IKBKE: variants seen among roughly 807,000 people sequenced by gnomAD.
The protein encoded by IKBKE is inhibitor of nuclear factor kappa B kinase subunit epsilon.
Under a neutral mutation model 92.1 loss-of-function variants are expected in IKBKE, and 45 were observed. That is an observed-to-expected ratio of 0.49 (90% CI 0.38 to 0.63). The LOEUF is 0.63. Ranked by LOEUF, IKBKE falls within the 20% of genes least tolerant of loss-of-function variation. IKBKE has a pLI of 0.00. For missense variants in IKBKE, 700 were observed against 932.8 expected (o/e 0.75, Z 3.25); for synonymous variants, 374 against 380.3 (o/e 0.98, Z 0.19).
At chr1:206,492,990 C>T in intron 18 of IKBKE, 33 bp from the exon 19 acceptor site, 2 of 1,538,472 alleles carry the variant, frequency 1.3e-6, no homozygotes, top group South Asian at 1.2e-5. Flanking sequence ...CTGAGTCCTG[C>T]TCTAATTCTA....
rs1447038916 is a variant in IKBKE at position 206,478,039 on chromosome 1, C to T, written c.813-121C>T. ...TTCCAGCTCTTCCTCCCCAACCCAC[C>T]CTGCCCCACCATCTTGGTCCTAGCT... On this transcript the variant is annotated intron_variant, in intron 8 of 21. Transcript: ENST00000581977. This position sits in a 1 kb window ranked among gnomAD's most constrained non-coding sequence, Gnocchi z 4.8. 2.4e-6 allele frequency: 2 copies of T among 833,510 alleles called. No homozygotes were observed. Among genetic ancestry groups the T allele is most frequent in the Non-Finnish European group, 3.8e-6 (2 of 523,430 alleles). 51.6% of individuals were successfully genotyped at this position (833,510 alleles called of 1,614,324 possible).
chr1:206,486,096 C>G (rs1300719721), intron 15 of IKBKE, among the ~76,000 whole-genome samples: 2 of 152,218 alleles, frequency 1.3e-5, no homozygotes, highest in Non-Finnish European at 2.9e-5. Context: ...TAAAACCTGA[C>G]CTAAATCGAA....
rs567956347 is a variant in IKBKE, at chr1:206,485,236, A to G, written c.1546A>G (p.Thr516Ala). The G allele has an allele frequency of 3.7e-6, 6 of 1,613,940 alleles. No individual in the cohort carries two copies. Among genetic ancestry groups the G allele is most frequent in the Admixed American group, 1.7e-5 (1 of 60,018 alleles). The change falls in exon 15 of 22, where the codon ACC becomes GCC. Residue 516 changes from threonine (T) to alanine (A), a missense_variant. Transcript: ENST00000581977. The surrounding 1 kb of genome is among the most constrained non-coding windows in gnomAD (Gnocchi z 5.0). ...CAGATGCTCCCAAAATATCACGGAG[A>G]CCCAGGAGAGCCTGAGCAGCCTGAA... ...LSRCSQNITE[T>A]QESLSSLNRE...
chr1:206,487,353 G>A lies in IKBKE; in HGVS notation c.1617-561G>A, dbSNP rs1324071990. On this transcript the variant is annotated intron_variant, in intron 15 of 21. Coordinates refer to ENST00000581977, the MANE Select transcript of IKBKE (RefSeq NM_014002.4). The surrounding 1 kb of genome is among the most constrained non-coding windows in gnomAD (Gnocchi z 5.3). ...GGGAGATCATCTCCCCAGTTCCTCC[G>A]CCTCCGGGCAGGACCGAGGCCTGTT... 1.3e-5 allele frequency among the ~76,000 whole-genome samples: 2 copies of A among 152,210 alleles called. No homozygotes were observed. The highest frequency in any genetic ancestry group is 2.9e-5 in the Non-Finnish European group (2 of 68,028).
intron 13 of IKBKE, among the ~76,000 whole-genome samples, chr1:206,483,141 C>T (rs1198706111): frequency 1.3e-5 from 2 of 152,286 alleles, no homozygotes; most frequent in African/African-American, 2.4e-5. Context: ...CCAGGCAAGA[C>T]ATTCCAGGCA....
chr1:206,493,359 C>T lies in IKBKE; in HGVS notation c.2026C>T (p.Arg676Ter), dbSNP rs782568009. Residue 676 changes from arginine (R) to a stop codon, truncating the protein, a stop_gained, in exon 20 of 22, where the codon CGA (arginine) becomes TGA (stop). Transcript: ENST00000581977. LOFTEE classifies it high-confidence loss of function. ...PPIAPYPSPT[R>*]KDLLLHMQEL... ...CATAGCTCCTTACCCCAGCCCTACA[C>T]GAAAGGACCTGCTTCTCCAGTAAGT... 11 of 1,613,344 alleles carry T rather than the reference C, an allele frequency of 6.8e-6. No homozygotes were observed. Among genetic ancestry groups the T allele is most frequent in the East Asian group, 4.5e-5 (2 of 44,904 alleles).
chr1:206,493,178 C>T (rs1361884281), intron 19 of IKBKE, 59 bp downstream of exon 19: 46 of 1,554,204 alleles, frequency 3.0e-5, no homozygotes, highest in Non-Finnish European at 4.1e-5. Context: ...CGCTTGTTAC[C>T]CATGTCTTCC....
chr1:206,476,619 G>T lies in IKBKE; in HGVS notation c.541-59G>T, dbSNP rs1359164323. On this transcript the variant is annotated intron_variant, in intron 6 of 21. Transcript: ENST00000581977. This position sits in a 1 kb window ranked among gnomAD's most constrained non-coding sequence, Gnocchi z 5.1. ...GCAGGCGGTGAAAGGGGGTCTGACAGGTCTCAGGCCCTTGCCAGCCCTCCG... is the reference window on the plus strand; with the variant it reads ...GCAGGCGGTGAAAGGGGGTCTGACATGTCTCAGGCCCTTGCCAGCCCTCCG... 1.3e-6 allele frequency: 2 copies of T among 1,593,584 alleles called. No individual in the cohort carries two copies. Among genetic ancestry groups the T allele is most frequent in the South Asian group, 1.1e-5 (1 of 89,770 alleles).
At chr1:206,474,831 C>T (rs782263580) in intron 4 of IKBKE, 34 bp from the exon 5 acceptor site, 13 of 1,606,632 alleles carry the variant, frequency 8.1e-6, no homozygotes, top group East Asian at 2.2e-5. Flanking sequence ...GGAGAAGTGC[C>T]GTCCTCATGA....
At chr1:206,479,772 G>A (rs2297541) in intron 10 of IKBKE, 98 bp from the exon 11 acceptor site, 26,116 of 1,256,872 alleles carry the variant, frequency 0.021, 393 homozygotes, top group East Asian at 0.038. Context: ...TGAGGTGGGA[G>A]ATTGGCAGTG....
intron 7 of IKBKE, among the ~76,000 whole-genome samples, chr1:206,477,312 T>G (rs1665120963): frequency 6.6e-6 from 1 of 152,244 alleles, no homozygotes; most frequent in South Asian, 2.1e-4. Flanking sequence ...GTGGGAAGGT[T>G]GCTGCACCCA....
At chr1:206,494,381 C>T (rs1666110984) in intron 21 of IKBKE, among the ~76,000 whole-genome samples, 1 of 152,062 alleles carries the variant, frequency 6.6e-6, no homozygotes, top group Non-Finnish European at 1.5e-5. Context: ...GCGCAGACAC[C>T]TTGGATACGA....
rs1553386791 is a variant in IKBKE at position 206,480,498 on chromosome 1, C to T, written c.1392C>T (p.Ser464=). 1.2e-6 allele frequency: 2 copies of T among 1,613,774 alleles called. No individual in the cohort carries two copies. Among genetic ancestry groups the T allele is most frequent in the Non-Finnish European group, 1.7e-6 (2 of 1,179,854 alleles). ...CRRTLEVART[S]LLYLSSSLGT... is the part of the protein sequence containing the mutation. ...GGACTCTGGAAGTGGCAAGGACATCCCTCCTCTACCTCAGCAGCAGCCTGG... is the reference window on the plus strand; with the variant it reads ...GGACTCTGGAAGTGGCAAGGACATCTCTCCTCTACCTCAGCAGCAGCCTGG... Residue 464 remains serine, a synonymous_variant, in exon 13 of 22, where the codon TCC becomes TCT. Transcript: ENST00000581977.
At position 206,478,644 on chromosome 1, in the gene IKBKE, G is replaced by A. The variant is rs540808283; in HGVS notation, c.993-299G>A. 3.9e-5 allele frequency among the ~76,000 whole-genome samples: 6 copies of A among 152,206 alleles called. No homozygotes were observed. The highest frequency in any genetic ancestry group is 1.4e-4 in the African/African-American group (6 of 41,502). On this transcript the variant is annotated intron_variant, in intron 9 of 21. Coordinates refer to ENST00000581977, the MANE Select transcript of IKBKE (RefSeq NM_014002.4). This position sits in a 1 kb window ranked among gnomAD's most constrained non-coding sequence, Gnocchi z 4.8. ...ACTGCTCATAGTACCCTTGATTCCTGGATAATTTTATAGAACTAGGTAAAT... is the reference window on the plus strand; with the variant it reads ...ACTGCTCATAGTACCCTTGATTCCTAGATAATTTTATAGAACTAGGTAAAT...
In IKBKE at chr1:206,493,052, G is replaced by A. The variant is rs199747005; in HGVS notation, c.1865G>A (p.Arg622His). ...RVVHETRNHL[R>H]LVGCSVAACN... ...GTGCACGAGACCAGGAACCACCTGC[G>A]CCTGGTTGGCTGTTCTGTGGCTGCC... The change falls in exon 19 of 22, where the codon CGC becomes CAC. Residue 622 changes from arginine (R) to histidine (H), a missense_variant. By Grantham distance (29) the Arg-to-His change is conservative (BLOSUM62 0). Coordinates refer to ENST00000581977, the MANE Select transcript of IKBKE (RefSeq NM_014002.4). 1.1e-5 allele frequency: 17 copies of A among 1,582,904 alleles called. No homozygotes were observed. Among genetic ancestry groups the A allele is most frequent in the South Asian group, 2.3e-5 (2 of 87,474 alleles).
intron 3 of IKBKE, 148 bp from the exon 4 acceptor site, chr1:206,474,183 G>A (rs1664929437): frequency 1.4e-6 from 1 of 710,582 alleles, no homozygotes; most frequent in Non-Finnish European, 2.4e-6. Context: ...CGGTGCGGAT[G>A]GGAGCCCCCA....
rs1473693511 is a variant in IKBKE, at chr1:206,476,545, C to G, written c.541-133C>G. The G allele has an allele frequency of 2.5e-6, 3 of 1,199,540 alleles. No individual in the cohort carries two copies. The African/African-American group carries it at 4.5e-5, about 18-fold the overall frequency. 74.3% of individuals were successfully genotyped at this position (1,199,540 alleles called of 1,614,324 possible). A position where few individuals can be genotyped will look rare whatever the true frequency, so the allele number is the denominator to read the frequency against. The stretch of plus-strand genomic sequence containing the variant: ...TAAGATGGAAAAGGTGAGGCTGACA[C>G]CCATTTTTAAGATGACAAAGAAGGA... On this transcript the variant is annotated intron_variant, in intron 6 of 21. Transcript: ENST00000581977. This position sits in a 1 kb window ranked among gnomAD's most constrained non-coding sequence, Gnocchi z 5.1.
chr1:206,477,594 C>T (rs562227539), intron 7 of IKBKE, among the ~76,000 whole-genome samples, 155 bp from the exon 8 acceptor site: 1 of 152,294 alleles, frequency 6.6e-6, no homozygotes, highest in South Asian at 2.1e-4. Context: ...GGCGCTCTCA[C>T]AGCTGAGAGC....
At chr1:206,494,144 A>C (rs1553391533) in intron 21 of IKBKE, among the ~76,000 whole-genome samples, 153 bp downstream of exon 21, 1 of 152,216 alleles carries the variant, frequency 6.6e-6, no homozygotes, top group East Asian at 1.9e-4. Flanking sequence ...TTTTCCACAA[A>C]TGAGTTGACA....
Sources: gnomAD v4.1 joint callset for allele counts (sites outside exome capture counted in the v4.1 genomes callset) on GRCh38, gnomAD v4.1.1 for gene constraint, Gnocchi (gnomAD v3.1) non-coding constraint, MANE v1.5 for transcripts, NCBI Gene and HGNC (gene_info 2026-07-23, HGNC 2026-07-21) for gene names.